Variants in ADAMTS17 observed in about 807,000 individuals in gnomAD.
ADAMTS17 encodes the protein A disintegrin and metalloproteinase with thrombospondin motifs 17.
A neutral mutation model predicts 141.5 loss-of-function variants in ADAMTS17; 113 were observed. The observed-to-expected ratio is 0.80, with a 90% CI of 0.69 to 0.93. The LOEUF (loss-of-function observed/expected upper bound fraction) is 0.93. Among genes scored for constraint, ADAMTS17 ranks in the 40% least tolerant of loss-of-function variants. The pLI is 0.00. For synonymous variants in ADAMTS17, 768 were observed against 630.6 expected (o/e 1.22, Z -3.27); for missense variants, 1,659 against 1,517.9 (o/e 1.09, Z -1.54).
intron 8 of ADAMTS17, among the ~76,000 whole-genome samples, chr15:100,170,222 T>C (rs914120582): frequency 6.6e-6 from 1 of 152,160 alleles, no homozygotes; most frequent in Non-Finnish European, 1.5e-5. Context: ...CCTTAAACTT[T>C]TGTACATTAA....
intron 18 of ADAMTS17, among the ~76,000 whole-genome samples, chr15:100,004,681 C>T (rs1030064458): frequency 3.5e-5 from 5 of 141,612 alleles, no homozygotes; most frequent in East Asian, 2.1e-4. Flanking sequence ...AGTGCAATGG[C>T]GCAATCTCGG....
intron 15 of ADAMTS17, among the ~76,000 whole-genome samples, chr15:100,082,365 T>C (rs955387850): frequency 6.7e-6 from 1 of 150,330 alleles, no homozygotes; most frequent in African/African-American, 2.5e-5. Context: ...TGCCTGGCCT[T>C]ATTGCATGGT....
chr15:100,070,220 A>G lies in ADAMTS17; in HGVS notation c.2138-16166T>C, dbSNP rs560847847. Among the ~76,000 whole-genome samples, 1,480 of 149,024 alleles carry G rather than the reference A, an allele frequency of 9.9e-3. 88 individuals carry two copies. Among genetic ancestry groups the G allele is most frequent in the Non-Finnish European group, 0.016 (1,059 of 67,078 alleles). ...TACTAAATATATATGCACCCAATAC[A>G]GGAGCACCCAGATTCATAAAGCAAG... On this transcript the variant is annotated intron_variant, in intron 15 of 21. Coordinates refer to ENST00000268070, the MANE Select transcript of ADAMTS17 (RefSeq NM_139057.4).
intron 15 of ADAMTS17, among the ~76,000 whole-genome samples, chr15:100,077,278 T>C (rs1413795403): frequency 1.5e-5 from 1 of 65,964 alleles, no homozygotes; most frequent in Non-Finnish European, 2.5e-5. Context: ...ACCCTATCTC[T>C]ACCACAAAAA....
intron 4 of ADAMTS17, among the ~76,000 whole-genome samples, chr15:100,263,917 C>T (rs981176140): frequency 2.0e-5 from 3 of 152,178 alleles, no homozygotes; most frequent in Non-Finnish European, 2.9e-5. Context: ...CAACTCAGGC[C>T]GAGTGGAGCC....
At chr15:100,182,488 C>A (rs2040559664) in intron 8 of ADAMTS17, among the ~76,000 whole-genome samples, 1 of 152,190 alleles carries the variant, frequency 6.6e-6, no homozygotes, top group Admixed American at 6.5e-5. Flanking sequence ...TGCTATCCCT[C>A]CGCCAAGCAC....
chr15:100,152,223 G>C (rs1424590007), intron 10 of ADAMTS17, among the ~76,000 whole-genome samples: 2 of 152,186 alleles, frequency 1.3e-5, no homozygotes, highest in Admixed American at 1.3e-4. Context: ...TGCAGTGTTT[G>C]AAGTCAGGCG....
At chr15:100,149,416 A>C (rs748466068) in intron 10 of ADAMTS17, among the ~76,000 whole-genome samples, 2 of 152,306 alleles carry the variant, frequency 1.3e-5, no homozygotes, top group East Asian at 1.9e-4. Flanking sequence ...CAGTTTCCAT[A>C]AACAACCTTT....
At chr15:100,208,380 C>T (rs1032451046) in intron 7 of ADAMTS17, among the ~76,000 whole-genome samples, 1 of 152,164 alleles carries the variant, frequency 6.6e-6, no homozygotes, top group African/African-American at 2.4e-5. Flanking sequence ...ACTACAAAAG[C>T]CAAGGAAGTG....
intron 15 of ADAMTS17, among the ~76,000 whole-genome samples, chr15:100,092,741 C>G (rs1467627641): frequency 6.6e-6 from 1 of 152,118 alleles, no homozygotes; most frequent in Non-Finnish European, 1.5e-5. Flanking sequence ...TCACCCCACC[C>G]TTTCTTTTAA....
chr15:100,117,363 G>A (rs529543370), intron 12 of ADAMTS17, among the ~76,000 whole-genome samples: 2 of 152,226 alleles, frequency 1.3e-5, no homozygotes, highest in South Asian at 2.1e-4. Context: ...TGGAGAGGGT[G>A]TGTGTGTGTT....
chr15:100,075,083 T>C (rs763796258), intron 15 of ADAMTS17, among the ~76,000 whole-genome samples: 3 of 152,226 alleles, frequency 2.0e-5, no homozygotes, highest in Non-Finnish European at 4.4e-5. Flanking sequence ...TTTATACTTC[T>C]ATTGTGTAAC....
chr15:100,148,748 C>T (rs189564160), intron 10 of ADAMTS17, among the ~76,000 whole-genome samples: 95 of 151,508 alleles, frequency 6.3e-4, no homozygotes, highest in African/African-American at 2.1e-3. Context: ...GTGGATGCTG[C>T]ACAGGTGGGC....
chr15:100,150,787 A>T (rs2039124952), intron 10 of ADAMTS17, among the ~76,000 whole-genome samples: 1 of 152,132 alleles, frequency 6.6e-6, no homozygotes, highest in Non-Finnish European at 1.5e-5. Flanking sequence ...CCCTTGGCTC[A>T]GCTGGGCACT....
intron 13 of ADAMTS17, among the ~76,000 whole-genome samples, chr15:100,109,395 C>T (rs1252216890): frequency 6.6e-6 from 1 of 150,542 alleles, no homozygotes; most frequent in African/African-American, 2.4e-5. Flanking sequence ...TCAACTATAC[C>T]CGGTGAACAA....
intron 7 of ADAMTS17, among the ~76,000 whole-genome samples, chr15:100,218,748 A>C (rs2042043047): frequency 6.6e-6 from 1 of 152,194 alleles, no homozygotes; most frequent in South Asian, 2.1e-4. Context: ...AGAACTGAAA[A>C]CGTGTCCCCA....
intron 7 of ADAMTS17, among the ~76,000 whole-genome samples, chr15:100,229,285 C>A (rs1055684973): frequency 6.6e-6 from 1 of 151,932 alleles, no homozygotes; most frequent in African/African-American, 2.4e-5. Context: ...CTCCCCACCC[C>A]CTCCCCACAT....
At chr15:100,296,580 G>GTGTGTGTGTGTGT (rs1555504074) in intron 3 of ADAMTS17, among the ~76,000 whole-genome samples, 2 of 107,918 alleles carry the variant, frequency 1.9e-5, no homozygotes, top group African/African-American at 8.0e-5. Context: ...GGTGAGGGGG[G>GTGTGTGTGTGTGT]GTGTGTGTGT....
chr15:100,073,576 T>C (rs1596350611), intron 15 of ADAMTS17, among the ~76,000 whole-genome samples: 1 of 151,920 alleles, frequency 6.6e-6, no homozygotes, highest in East Asian at 1.9e-4. Context: ...TGGAATACTA[T>C]GCAGCCATAA....
Sources: gnomAD v4.1 joint callset for allele counts (sites outside exome capture counted in the v4.1 genomes callset) on GRCh38, gnomAD v4.1.1 for gene constraint, MANE v1.5 for transcripts, NCBI Gene and HGNC (gene_info 2026-07-23, HGNC 2026-07-21) for gene names.